Variants in CFDP1 observed in about 807,000 individuals in gnomAD.
CFDP1 encodes the protein heterochromatin-stabilizing protein CFDP1.
Under a neutral mutation model 40.1 loss-of-function variants are expected in CFDP1, and 31 were observed. The observed-to-expected ratio is 0.77, with a 90% CI of 0.58 to 1.04. The LOEUF is 1.04. CFDP1 is among the 50% of genes least tolerant of loss of function. The pLI is 0.00. For synonymous variants in CFDP1, 167 were observed against 120.0 expected (o/e 1.39, Z -2.56); for missense variants, 423 against 343.4 (o/e 1.23, Z -1.83).
intron 1 of CFDP1, among the ~76,000 whole-genome samples, chr16:75,416,039 G>C (rs1174246098): frequency 6.6e-6 from 1 of 152,084 alleles, no homozygotes; most frequent in East Asian, 1.9e-4. Flanking sequence ...TTTTAGTAGA[G>C]ATGGGGTTTT....
chr16:75,433,410 C>G lies in CFDP1; in HGVS notation c.-58G>C. On this transcript the variant is annotated 5_prime_UTR_variant, in exon 1 of 7. Transcript: ENST00000283882. ...AGACCGCAGCAGCCGCCTCCAACGGCAAAGCTCTAGGGAGAGACCATAGAG... is the reference window on the plus strand; with the variant it reads ...AGACCGCAGCAGCCGCCTCCAACGGGAAAGCTCTAGGGAGAGACCATAGAG... 1 of 1,523,214 alleles carries G rather than the reference C, an allele frequency of 6.6e-7. No homozygotes were observed. The highest frequency in any genetic ancestry group is 8.9e-7 in the Non-Finnish European group (1 of 1,124,564). 94.4% of individuals were successfully genotyped at this position (1,523,214 alleles called of 1,614,324 possible).
rs751462745 is a variant in CFDP1, at chr16:75,410,414, A to G, written c.530+1411T>C. Among the ~76,000 whole-genome samples the G allele has an allele frequency of 5.7e-4, 86 of 152,186 alleles. 1 individual carries two copies. The highest frequency in any genetic ancestry group is 1.0e-3 in the Non-Finnish European group (70 of 68,036). On this transcript the variant is annotated intron_variant, in intron 4 of 6. Coordinates refer to ENST00000283882, the MANE Select transcript of CFDP1 (RefSeq NM_006324.3). ...GGAGACTAACTTGCTCAAGGCATTA[A>G]GCCCTTACTTAACCTATGGTAAATA... is the stretch of plus-strand genomic sequence containing the variant.
intron 5 of CFDP1, among the ~76,000 whole-genome samples, chr16:75,393,096 G>C (rs1038883281): frequency 1.3e-5 from 2 of 152,188 alleles, no homozygotes; most frequent in Non-Finnish European, 2.9e-5. Context: ...TGAGGACAGA[G>C]GGCAAGGAAT....
At chr16:75,426,280 G>A (rs2079342023) in intron 1 of CFDP1, among the ~76,000 whole-genome samples, 1 of 151,992 alleles carries the variant, frequency 6.6e-6, no homozygotes, top group South Asian at 2.1e-4. Flanking sequence ...AACTCAGGAG[G>A]CGGAGGTTGC....
chr16:75,419,099 G>A (rs1272156652), intron 1 of CFDP1: 6 of 386,466 alleles, frequency 1.6e-5, no homozygotes, highest in African/African-American at 6.3e-5. Context: ...GCAGGACGCC[G>A]ACTCATAAAA....
At chr16:75,319,385 TGAG>T (rs1432266874) in intron 5 of CFDP1, among the ~76,000 whole-genome samples, 2 of 152,090 alleles carry the variant, frequency 1.3e-5, no homozygotes, top group African/African-American at 4.8e-5. Context: ...AAATTCCAAA[TGAG>T]GAGGAGATAG....
At chr16:75,386,135 A>T (rs1242322564) in intron 5 of CFDP1, among the ~76,000 whole-genome samples, 1 of 152,182 alleles carries the variant, frequency 6.6e-6, no homozygotes, top group Non-Finnish European at 1.5e-5. Context: ...TTAAAGTAAA[A>T]TTAAAAAAAA....
chr16:75,393,479 C>T (rs1478966268), intron 5 of CFDP1, among the ~76,000 whole-genome samples: 1 of 152,116 alleles, frequency 6.6e-6, no homozygotes, highest in South Asian at 2.1e-4. Context: ...AAAATCAACA[C>T]TCTTTTTAAA....
chr16:75,431,873 T>C (rs894493299), intron 1 of CFDP1, among the ~76,000 whole-genome samples: 1 of 131,596 alleles, frequency 7.6e-6, no homozygotes, highest in African/African-American at 2.6e-5. Context: ...CTGAGGAATA[T>C]TAAATAAAAT....
chr16:75,368,684 C>T (rs2078732806), intron 5 of CFDP1, among the ~76,000 whole-genome samples: 2 of 151,076 alleles, frequency 1.3e-5, no homozygotes, highest in South Asian at 2.1e-4. Flanking sequence ...CTGATATTTT[C>T]TTTCTTTTTT....
intron 1 of CFDP1, among the ~76,000 whole-genome samples, chr16:75,427,563 A>T (rs1310075348): frequency 5.9e-5 from 9 of 152,140 alleles, no homozygotes; most frequent in Non-Finnish European, 1.3e-4. Flanking sequence ...AAATTAGCTA[A>T]TATTTAAAAC....
At chr16:75,381,004 T>C (rs2078847458) in intron 5 of CFDP1, among the ~76,000 whole-genome samples, 1 of 152,216 alleles carries the variant, frequency 6.6e-6, no homozygotes, top group Admixed American at 6.5e-5. Flanking sequence ...CATGTGACAC[T>C]ATCTAAGCTA....
intron 5 of CFDP1, among the ~76,000 whole-genome samples, chr16:75,390,002 C>T (rs1202258996): frequency 1.3e-5 from 2 of 152,206 alleles, no homozygotes; most frequent in Non-Finnish European, 2.9e-5. Context: ...TACATTTTCA[C>T]GTACAACTCT....
intron 5 of CFDP1, among the ~76,000 whole-genome samples, chr16:75,310,197 G>A (rs1376743600): frequency 6.6e-6 from 1 of 152,222 alleles, no homozygotes; most frequent in Non-Finnish European, 1.5e-5. Context: ...TGTTCAAGGA[G>A]TGTGGACTTT....
chr16:75,325,659 G>A (rs1208920653), intron 5 of CFDP1, among the ~76,000 whole-genome samples: 3 of 152,228 alleles, frequency 2.0e-5, no homozygotes, highest in Non-Finnish European at 4.4e-5. Flanking sequence ...TAAGCACCCG[G>A]CAGGGTGCCT....
At position 75,316,724 on chromosome 16, in the gene CFDP1, C is replaced by T. The variant is rs746261609; in HGVS notation, c.651-11542G>A. Among the ~76,000 whole-genome samples the T allele has an allele frequency of 9.0e-4, 137 of 152,242 alleles. 1 individual carries two copies. Among genetic ancestry groups the T allele is most frequent in the Admixed American group, 3.5e-3 (54 of 15,294 alleles). ...GTGGCTCACGCCTGTAATCCTAGCACTTTGGGAGGCCAAGGCGGGCGGATC... is the reference window on the plus strand; with the variant it reads ...GTGGCTCACGCCTGTAATCCTAGCATTTTGGGAGGCCAAGGCGGGCGGATC... On this transcript the variant is annotated intron_variant, in intron 5 of 6. Transcript: ENST00000283882.
chr16:75,408,486 A>C (rs1168968749), intron 4 of CFDP1, among the ~76,000 whole-genome samples: 1 of 152,088 alleles, frequency 6.6e-6, no homozygotes, highest in Non-Finnish European at 1.5e-5. Context: ...TCAAATATTA[A>C]TATAAACAGT....
intron 4 of CFDP1, chr16:75,409,460 G>A (rs139756856): frequency 3.9e-5 from 6 of 152,110 alleles, no homozygotes; most frequent in African/African-American, 1.2e-4. Context: ...GGTATCTGTC[G>A]AATCTTAGTA....
At chr16:75,356,833 A>G (rs1466442479) in intron 5 of CFDP1, among the ~76,000 whole-genome samples, 22 of 152,120 alleles carry the variant, frequency 1.4e-4, no homozygotes. Context: ...GATCTTCTAA[A>G]TAACTTACTG....
Sources: allele counts gnomAD v4.1 joint callset (sites outside exome capture counted in the v4.1 genomes callset), GRCh38; gene constraint gnomAD v4.1.1; transcripts MANE v1.5; gene names NCBI Gene and HGNC (gene_info 2026-07-23, HGNC 2026-07-21).